The following FHIT variants were observed in gnomAD, a reference collection of about 807,000 sequenced individuals.
FHIT encodes the protein bis(5'-adenosyl)-triphosphatase.
FHIT carries 19 observed loss-of-function variants against 17.9 expected under a neutral mutation model. That is an observed-to-expected ratio of 1.06 (90% CI 0.74 to 1.56). The LOEUF (loss-of-function observed/expected upper bound fraction) is 1.56. Among genes scored for constraint, FHIT ranks in the 40% most tolerant of loss-of-function variants. FHIT has a pLI of 0.00. For missense variants in FHIT, 248 were observed against 189.2 expected (o/e 1.31, Z -1.82); for synonymous variants, 81 against 69.7 (o/e 1.16, Z -0.81).
intron 3 of FHIT, among the ~76,000 whole-genome samples, chr3:60,919,707 T>C (rs1403035866): frequency 6.6e-6 from 1 of 152,194 alleles, no homozygotes; most frequent in Non-Finnish European, 1.5e-5. Context: ...ATACTTTACC[T>C]GTCTAATCAC....
At chr3:60,340,572 T>C (rs1710466492) in intron 5 of FHIT, among the ~76,000 whole-genome samples, 1 of 152,176 alleles carries the variant, frequency 6.6e-6, no homozygotes, top group Non-Finnish European at 1.5e-5. Flanking sequence ...TACACAAATG[T>C]AATCACTTGA....
chr3:60,621,693 C>G (rs1483235581), intron 4 of FHIT, among the ~76,000 whole-genome samples: 1 of 151,912 alleles, frequency 6.6e-6, no homozygotes, highest in Admixed American at 6.6e-5. Context: ...AGTATGGGCT[C>G]TAGAAATACT....
intron 4 of FHIT, among the ~76,000 whole-genome samples, chr3:60,619,401 C>G (rs2039049422): frequency 6.6e-6 from 1 of 151,936 alleles, no homozygotes; most frequent in African/African-American, 2.4e-5. Context: ...GCAAAAGATT[C>G]AGAATATGCA....
chr3:61,227,357 A>G (rs1382943522), intron 1 of FHIT, among the ~76,000 whole-genome samples: 2 of 152,196 alleles, frequency 1.3e-5, no homozygotes, highest in Non-Finnish European at 2.9e-5. Context: ...ATAAGGGCAA[A>G]AGTTAATCAT....
At chr3:60,427,386 T>G (rs1226361704) in intron 5 of FHIT, among the ~76,000 whole-genome samples, 1 of 152,074 alleles carries the variant, frequency 6.6e-6, no homozygotes, top group Non-Finnish European at 1.5e-5. Context: ...AAGAGCACAG[T>G]CAACTGACAC....
chr3:61,026,741 C>A (rs935429133), intron 3 of FHIT, among the ~76,000 whole-genome samples: 3 of 152,016 alleles, frequency 2.0e-5, no homozygotes, highest in African/African-American at 7.3e-5. Context: ...CCCAGGGAAG[C>A]CAAAAGATTG....
intron 2 of FHIT, among the ~76,000 whole-genome samples, chr3:61,112,234 G>A (rs1345461436): frequency 6.6e-6 from 1 of 151,338 alleles, no homozygotes; most frequent in Non-Finnish European, 1.5e-5. Flanking sequence ...ATAAAAAGCT[G>A]CTTTAGCACT....
chr3:59,941,864 T>G (rs1167366486), intron 7 of FHIT, among the ~76,000 whole-genome samples: 3 of 152,178 alleles, frequency 2.0e-5, no homozygotes, highest in African/African-American at 7.2e-5. Flanking sequence ...GGGCTGAGGA[T>G]GAAGTGGGTT....
intron 4 of FHIT, among the ~76,000 whole-genome samples, chr3:60,629,912 C>T (rs1464797195): frequency 6.6e-6 from 1 of 152,198 alleles, no homozygotes; most frequent in African/African-American, 2.4e-5. Flanking sequence ...GAGCCTAAAA[C>T]AGTGTCTGGC....
chr3:60,856,906 G>A, intron 3 of FHIT, among the ~76,000 whole-genome samples: 1 of 152,116 alleles, frequency 6.6e-6, no homozygotes, highest in East Asian at 1.9e-4. Context: ...TGGCTTCTGA[G>A]ATTGTACTTC....
At chr3:59,844,522 TAAACCACAA>T (rs561344563) in intron 8 of FHIT, among the ~76,000 whole-genome samples, 93 of 152,190 alleles carry the variant, frequency 6.1e-4, no homozygotes, top group African/African-American at 2.2e-3. Flanking sequence ...TGTGTGTGTT[TAAACCACAA>T]AGGGCTTGAA....
At chr3:59,817,302 A>G (rs1700633073) in intron 8 of FHIT, among the ~76,000 whole-genome samples, 1 of 152,178 alleles carries the variant, frequency 6.6e-6, no homozygotes, top group African/African-American at 2.4e-5. Context: ...CAATTGGCAA[A>G]AGAACATGCT....
Position 60,944,878 on chromosome 3 carries a change from T to C in FHIT, c.-111+97169A>G, listed in dbSNP as rs115777492. ...ATGAAACATTAATTTATCAAATATATGTTAAATACTTCATCAATAAACAGT... is the reference window on the plus strand; with the variant it reads ...ATGAAACATTAATTTATCAAATATACGTTAAATACTTCATCAATAAACAGT... On this transcript the variant is annotated intron_variant, in intron 3 of 9. Transcript: ENST00000492590. Among the ~76,000 whole-genome samples, 261 of 152,314 alleles carry C rather than the reference T, an allele frequency of 1.7e-3. 1 individual carries two copies. Among genetic ancestry groups the C allele is most frequent in the African/African-American group, 6.0e-3 (249 of 41,572 alleles).
intron 8 of FHIT, among the ~76,000 whole-genome samples, chr3:59,786,379 C>T (rs780633169): frequency 6.6e-6 from 1 of 152,198 alleles, no homozygotes; most frequent in Non-Finnish European, 1.5e-5. Flanking sequence ...CTACCTGGAG[C>T]TTTACCTTTA....
At chr3:60,794,837 T>A (rs2108128458) in intron 4 of FHIT, among the ~76,000 whole-genome samples, 1 of 152,344 alleles carries the variant, frequency 6.6e-6, no homozygotes, top group South Asian at 2.1e-4. Context: ...GCAGTTTTTT[T>A]CTTTATTTGT....
At position 60,408,987 on chromosome 3, in the gene FHIT, T is replaced by C. The variant is rs573659646; in HGVS notation, c.103+127873A>G. ...AGAGTTTAGGGACTCGAGTCTGGAG[T>C]CAGACTCGGGGGCTCAAACGCCAAC... On this transcript the variant is annotated intron_variant, in intron 5 of 9. Coordinates refer to ENST00000492590, the MANE Select transcript of FHIT (RefSeq NM_002012.4). 4.6e-5 allele frequency among the ~76,000 whole-genome samples: 7 copies of C among 152,008 alleles called. No homozygotes were observed. In the East Asian group the frequency reaches 1.4e-3, roughly 30 times the overall value.
intron 5 of FHIT, among the ~76,000 whole-genome samples, chr3:60,229,491 G>A (rs1021864097): frequency 1.3e-5 from 2 of 151,846 alleles, no homozygotes; most frequent in African/African-American, 4.8e-5. Flanking sequence ...ACCCAAGATG[G>A]GAGAAGAACA....
intron 3 of FHIT, among the ~76,000 whole-genome samples, chr3:61,036,109 C>T (rs981022512): frequency 6.6e-6 from 1 of 152,164 alleles, no homozygotes; most frequent in Non-Finnish European, 1.5e-5. Context: ...ATGGCACTGG[C>T]ATCTGCTCGG....
At chr3:60,435,669 G>T (rs549724095) in intron 5 of FHIT, among the ~76,000 whole-genome samples, 4 of 152,120 alleles carry the variant, frequency 2.6e-5, no homozygotes, top group African/African-American at 4.8e-5. Flanking sequence ...CTTTTATATT[G>T]TAAGTTAAGG....
Sources: allele counts gnomAD v4.1 joint callset (sites outside exome capture counted in the v4.1 genomes callset), GRCh38; gene constraint gnomAD v4.1.1; transcripts MANE v1.5; gene names NCBI Gene and HGNC (gene_info 2026-07-23, HGNC 2026-07-21).